DLGAP1: variants seen among roughly 807,000 people sequenced by gnomAD.
DLGAP1 encodes DLG associated protein 1.
DLGAP1 carries 11 observed loss-of-function variants against 90.8 expected under a neutral mutation model. The ratio of observed to expected loss-of-function variants is 0.12; its 90% confidence interval spans 0.08 to 0.20. DLGAP1 has a LOEUF of 0.20. Among genes scored for constraint, DLGAP1 ranks in the 10% least tolerant of loss-of-function variants. The probability of loss-of-function intolerance (pLI) is 1.00; values close to 1 mark genes in which losing one functional copy is unlikely to be tolerated. For missense variants in DLGAP1, 1,050 were observed against 1,333.8 expected (o/e 0.79, Z 3.31); for synonymous variants, 558 against 540.7 (o/e 1.03, Z -0.44).
chr18:3,821,902 T>C (rs2067440289), intron 4 of DLGAP1: 1 of 985,388 alleles, frequency 1.0e-6, no homozygotes, highest in Non-Finnish European at 1.2e-6. Flanking sequence ...TCGATTTCTT[T>C]GCATCTTCTT....
chr18:3,605,238 C>G (rs555114699), intron 7 of DLGAP1, among the ~76,000 whole-genome samples: 1 of 152,188 alleles, frequency 6.6e-6, no homozygotes, highest in South Asian at 2.1e-4. Context: ...GATATTCTTT[C>G]CTCTGGTTTT....
intron 2 of DLGAP1, among the ~76,000 whole-genome samples, chr18:4,083,485 T>G (rs561851884): frequency 1.3e-5 from 2 of 152,348 alleles, no homozygotes; most frequent in South Asian, 4.1e-4. Context: ...CATTTATATA[T>G]GCGTCAGTAT....
chr18:4,197,199 A>AAAG (rs1555760527), intron 1 of DLGAP1, among the ~76,000 whole-genome samples: 2 of 144,386 alleles, frequency 1.4e-5, no homozygotes, highest in East Asian at 4.3e-4. Context: ...AAAAAAAAAA[A>AAAG]AAAAAAAAAG....
chr18:3,656,294 G>A (rs1049457797), intron 7 of DLGAP1: 2 of 507,546 alleles, frequency 3.9e-6, no homozygotes, highest in Non-Finnish European at 6.8e-6. Context: ...TAGGTCTCAT[G>A]GATGTCTTCT....
At chr18:3,925,168 G>C (rs538082354) in intron 3 of DLGAP1, among the ~76,000 whole-genome samples, 7 of 152,200 alleles carry the variant, frequency 4.6e-5, no homozygotes, top group African/African-American at 7.2e-5. Flanking sequence ...GGCCGGGCTG[G>C]TCTCAAACTC....
chr18:4,165,363 T>C (rs1251729843), intron 1 of DLGAP1, among the ~76,000 whole-genome samples: 1 of 152,106 alleles, frequency 6.6e-6, no homozygotes, highest in Non-Finnish European at 1.5e-5. Flanking sequence ...CAACAGCAAA[T>C]TCTACATTCA....
intron 3 of DLGAP1, among the ~76,000 whole-genome samples, chr18:3,950,252 G>C (rs79935204): frequency 0.014 from 2,084 of 152,304 alleles, 24 homozygotes; most frequent in Non-Finnish European, 0.021. Context: ...ATCTTTGCTG[G>C]TTTCAAAGTA....
intron 1 of DLGAP1, among the ~76,000 whole-genome samples, chr18:4,181,176 T>A (rs932430009): frequency 1.3e-5 from 2 of 152,316 alleles, no homozygotes; most frequent in Admixed American, 1.3e-4. Flanking sequence ...CTTGGTTGTT[T>A]ATAAATGAAA....
At chr18:4,314,755 T>C in intron 1 of DLGAP1, among the ~76,000 whole-genome samples, 1 of 152,168 alleles carries the variant, frequency 6.6e-6, no homozygotes, top group Non-Finnish European at 1.5e-5. Flanking sequence ...TGACATAAAA[T>C]GTACTCAGCT....
chr18:3,786,728 T>C (rs2065466791), intron 5 of DLGAP1, among the ~76,000 whole-genome samples: 1 of 152,020 alleles, frequency 6.6e-6, no homozygotes, highest in Non-Finnish European at 1.5e-5. Flanking sequence ...AAAATAGGAG[T>C]GAATGACTGC....
intron 7 of DLGAP1, 135 bp from the exon 8 acceptor site, chr18:3,582,383 C>G: frequency 7.3e-7 from 1 of 1,364,290 alleles, no homozygotes; most frequent in Non-Finnish European, 9.8e-7. Flanking sequence ...GTTCCATTGA[C>G]AGGCTGAGAC....
chr18:3,616,012 G>A (rs1351319894), intron 7 of DLGAP1, among the ~76,000 whole-genome samples: 2 of 152,186 alleles, frequency 1.3e-5, no homozygotes, highest in African/African-American at 2.4e-5. Flanking sequence ...AGACCTTTCT[G>A]TGGCTCTCAA....
At chr18:4,158,004 A>C (rs1230955884) in intron 1 of DLGAP1, among the ~76,000 whole-genome samples, 2 of 152,136 alleles carry the variant, frequency 1.3e-5, no homozygotes, top group African/African-American at 4.8e-5. Context: ...AAGACATACA[A>C]AGAGAGAGAA....
chr18:3,913,317 G>A (rs2072075125), intron 3 of DLGAP1, among the ~76,000 whole-genome samples: 3 of 152,014 alleles, frequency 2.0e-5, no homozygotes, highest in South Asian at 2.1e-4. Context: ...TGAACTCCTG[G>A]GATCAAGCAA....
intron 7 of DLGAP1, chr18:3,655,454 CT>C (rs1231937381): frequency 6.6e-6 from 1 of 152,164 alleles, no homozygotes; most frequent in East Asian, 1.9e-4. Flanking sequence ...CTCTTTTGTA[CT>C]TTCCTTAAAT....
At chr18:3,942,598 C>T (rs969014981) in intron 3 of DLGAP1, among the ~76,000 whole-genome samples, 4 of 152,144 alleles carry the variant, frequency 2.6e-5, no homozygotes, top group African/African-American at 7.2e-5. Flanking sequence ...GTCTCCCATC[C>T]GTCCAAATAG....
At chr18:4,408,940 A>G (rs1043919307) in intron 1 of DLGAP1, among the ~76,000 whole-genome samples, 2 of 148,212 alleles carry the variant, frequency 1.3e-5, no homozygotes, top group Non-Finnish European at 3.0e-5. Flanking sequence ...TTTAAGCTCA[A>G]TTGGCAAATG....
At chr18:3,969,844 C>G (rs16945722) in intron 3 of DLGAP1, among the ~76,000 whole-genome samples, 1 of 151,982 alleles carries the variant, frequency 6.6e-6, no homozygotes, top group Non-Finnish European at 1.5e-5. Context: ...ATGTGTTTCA[C>G]GTAAAGGGCC....
rs137960841 is a variant in DLGAP1 at position 4,136,449 on chromosome 18, G to A, written c.-159+14731C>T. Among the ~76,000 whole-genome samples the A allele has an allele frequency of 1.9e-3, 289 of 152,200 alleles. 2 individuals carry two copies. The highest frequency in any genetic ancestry group is 5.6e-3 in the African/African-American group (231 of 41,518). ...AAGCAGTTTTAACTAGGGTAAGATG[G>A]TATCTCATTATAGCTTTGATTTGCA... On this transcript the variant is annotated intron_variant, in intron 2 of 12. Coordinates refer to ENST00000315677, the MANE Select transcript of DLGAP1 (RefSeq NM_004746.4).
Sources: gnomAD v4.1 joint callset for allele counts (sites outside exome capture counted in the v4.1 genomes callset) on GRCh38, gnomAD v4.1.1 for gene constraint, MANE v1.5 for transcripts, NCBI Gene and HGNC (gene_info 2026-07-23, HGNC 2026-07-21) for gene names.